The following OTUD7B variants were observed in gnomAD, a reference collection of about 807,000 sequenced individuals.
The protein encoded by OTUD7B is OTU deubiquitinase 7B.
A neutral mutation model predicts 82.2 loss-of-function variants in OTUD7B; 34 were observed. The ratio of observed to expected loss-of-function variants is 0.41; its 90% CI spans 0.31 to 0.55. The LOEUF is 0.55. Among genes scored for constraint, OTUD7B ranks in the 20% least tolerant of loss-of-function variants. The pLI, the probability that OTUD7B is intolerant of heterozygous loss-of-function variation, is 0.20. For missense variants in OTUD7B, 944 were observed against 1,062.1 expected (o/e 0.89, Z 1.55); for synonymous variants, 398 against 402.7 (o/e 0.99, Z 0.14).
At chr1:149,960,509 C>T (rs185301712) in intron 6 of OTUD7B, among the ~76,000 whole-genome samples, 7 of 150,686 alleles carry the variant, frequency 4.6e-5, no homozygotes, top group Admixed American at 3.3e-4. Flanking sequence ...CTCAGCCTCT[C>T]GAGTAGCTGG....
chr1:150,059,583 C>T, the OTUD7B span, among the ~76,000 whole-genome samples: 1 of 151,746 alleles, frequency 6.6e-6, no homozygotes, highest in African/African-American at 2.4e-5. Flanking sequence ...TGGTCAGGCT[C>T]GGTCTTAAAC....
intron 1 of OTUD7B, among the ~76,000 whole-genome samples, chr1:149,996,342 T>C (rs76631130): frequency 0.011 from 1,705 of 151,246 alleles, 37 homozygotes; most frequent in African/African-American, 0.04. Context: ...CAAGACACAT[T>C]TCTTTCTTGG....
chr1:149,946,408 G>C (rs1360081274), intron 11 of OTUD7B, among the ~76,000 whole-genome samples: 2 of 151,998 alleles, frequency 1.3e-5, no homozygotes, highest in Non-Finnish European at 2.9e-5. Flanking sequence ...GAGACTGGCT[G>C]GAGAGGAGAT....
chr1:149,958,322 C>CTTTTTTTTTTTTTTTTTTTTTTTTT, intron 7 of OTUD7B, among the ~76,000 whole-genome samples: 1 of 86,394 alleles, frequency 1.2e-5, no homozygotes, highest in Non-Finnish European at 2.1e-5. Flanking sequence ...AAAGGACTAC[C>CTTTTTTTTTTTTTTTTTTTTTTTTT]TTTTTTTTTT....
intron 1 of OTUD7B, among the ~76,000 whole-genome samples, chr1:149,990,582 ATT>A (rs1242841290): frequency 6.6e-6 from 1 of 152,184 alleles, no homozygotes. Flanking sequence ...CTCTGTTATA[ATT>A]TTTTGTTTTT....
chr1:150,046,946 C>T, the OTUD7B span, among the ~76,000 whole-genome samples: 1 of 152,004 alleles, frequency 6.6e-6, no homozygotes, highest in East Asian at 2.0e-4. Flanking sequence ...TGGCAGGTGC[C>T]TGTAATCCCA....
chr1:149,990,419 G>T (rs1427258218), intron 1 of OTUD7B, among the ~76,000 whole-genome samples: 5 of 152,108 alleles, frequency 3.3e-5, no homozygotes, highest in Non-Finnish European at 5.9e-5. Flanking sequence ...ATTCATGCTA[G>T]TCCGTATATG....
the OTUD7B span, among the ~76,000 whole-genome samples, chr1:150,026,764 G>A: frequency 6.6e-6 from 1 of 152,102 alleles, no homozygotes; most frequent in East Asian, 1.9e-4. Context: ...AGAGAAATGA[G>A]AAATTTCTGA....
chr1:149,966,611 T>C (rs1248901013), intron 4 of OTUD7B, among the ~76,000 whole-genome samples: 1 of 152,166 alleles, frequency 6.6e-6, no homozygotes, highest in Non-Finnish European at 1.5e-5. Context: ...AAATATCTTA[T>C]GAGTGATGCA....
chr1:150,052,340 T>C, the OTUD7B span, among the ~76,000 whole-genome samples: 1 of 152,080 alleles, frequency 6.6e-6, no homozygotes, highest in African/African-American at 2.4e-5. Context: ...AAAATAAATG[T>C]ACAAAAAACA....
upstream of OTUD7B, among the ~76,000 whole-genome samples, chr1:150,013,044 C>T (rs145827713): frequency 9.8e-5 from 15 of 152,324 alleles, no homozygotes; most frequent in South Asian, 4.1e-4. Context: ...GTTGGATGCT[C>T]AGAGGCAGCT....
At chr1:149,967,570 G>A in intron 3 of OTUD7B, 49 bp from the exon 4 acceptor site, 1 of 1,413,962 alleles carries the variant, frequency 7.1e-7, no homozygotes, top group East Asian at 2.3e-5. Context: ...CCCACTTGGA[G>A]AACTCTACAC....
Position 149,977,477 on chromosome 1 carries a change from A to G in OTUD7B, c.34T>C (p.Phe12Leu). Reference protein sequence around the residue: ...TLDMDAVLSDFVRSTGAEPGL... With the variant: ...TLDMDAVLSDLVRSTGAEPGL... ...GGCTCTGCTCCTGTGGAACGGACAA[A>G]ATCTGACAGAACAGCATCCATGTCC... Residue 12 changes from phenylalanine (F) to leucine (L), a missense_variant, in exon 2 of 12, where the codon TTT becomes CTT. Phe to Leu is a conservative substitution (Grantham distance 22). Around this residue, in one of 3 missense-constraint regions of OTUD7B, gnomAD observed 530 missense variants for 625.6 expected, o/e 0.85. Transcript: ENST00000581312. 6.2e-7 allele frequency: 1 copy of G among 1,614,154 alleles called. No individual in the cohort carries two copies. Among genetic ancestry groups the G allele is most frequent in the Non-Finnish European group, 8.5e-7 (1 of 1,180,002 alleles).
intron 1 of OTUD7B, among the ~76,000 whole-genome samples, chr1:149,981,075 G>GGGA (rs782486743): frequency 3.3e-5 from 5 of 149,780 alleles, no homozygotes; most frequent in Non-Finnish European, 7.4e-5. Context: ...CTCTGTCTCA[G>GGGA]GGAGGAGGAG....
chr1:150,035,334 G>A, the OTUD7B span, among the ~76,000 whole-genome samples: 3 of 152,114 alleles, frequency 2.0e-5, no homozygotes, highest in Non-Finnish European at 4.4e-5. Flanking sequence ...CCCAAGAAAC[G>A]AGTGGTCATA....
At chr1:149,948,441 G>A (rs587737590) in intron 10 of OTUD7B, among the ~76,000 whole-genome samples, 18 of 139,676 alleles carry the variant, frequency 1.3e-4, no homozygotes, top group Non-Finnish European at 1.9e-4. Flanking sequence ...GCACGATGTC[G>A]GCTCACTGCA....
At chr1:150,024,574 G>T in the OTUD7B span, among the ~76,000 whole-genome samples, 6 of 152,108 alleles carry the variant, frequency 3.9e-5, no homozygotes, top group Non-Finnish European at 7.4e-5. Flanking sequence ...TATACAACAA[G>T]AATTATAAAT....
chr1:150,050,916 T>TAAA, the OTUD7B span, among the ~76,000 whole-genome samples: 1 of 144,882 alleles, frequency 6.9e-6, no homozygotes. Flanking sequence ...AGATAGTCCT[T>TAAA]AAAAAAAAAA....
At chr1:150,057,435 A>C in the OTUD7B span, among the ~76,000 whole-genome samples, 1 of 152,008 alleles carries the variant, frequency 6.6e-6, no homozygotes, top group African/African-American at 2.4e-5. Flanking sequence ...AACCTTATTA[A>C]TTTATCTTCC....
Sources: allele counts gnomAD v4.1 joint callset (sites outside exome capture counted in the v4.1 genomes callset), GRCh38; gene constraint gnomAD v4.1.1; regional missense constraint gnomAD v4.1.1; transcripts MANE v1.5; gene names NCBI Gene and HGNC (gene_info 2026-07-23, HGNC 2026-07-21).